SEMA4D: variants seen among roughly 807,000 people sequenced by gnomAD.
The protein encoded by SEMA4D is semaphorin 4D, also known as semaphorin-4D.
Under a neutral mutation model 74.8 loss-of-function variants are expected in SEMA4D, and 22 were observed. The ratio of observed to expected loss-of-function variants is 0.29; its 90% CI spans 0.21 to 0.42. The LOEUF (loss-of-function observed/expected upper bound fraction) is 0.42, where lower values mean the gene tolerates loss of function less well. Ranked by LOEUF, SEMA4D falls within the 10% of genes least tolerant of loss-of-function variation. The probability of loss-of-function intolerance (pLI) is 1.00; values close to 1 mark genes in which losing one functional copy is unlikely to be tolerated. For synonymous variants in SEMA4D, 445 were observed against 463.7 expected (o/e 0.96, Z 0.52); for missense variants, 937 against 1,118.4 (o/e 0.84, Z 2.31).
In SEMA4D at chr9:89,381,538, A is replaced by C. The variant is rs546966840; in HGVS notation, c.1447-192T>G. Reference sequence around the variant, plus strand: ...GACCTTCCTGCAGAATCCACGTGCTATGTCAGGGCTCACTGGGCCTTAGGT... The same window carrying C: ...GACCTTCCTGCAGAATCCACGTGCTCTGTCAGGGCTCACTGGGCCTTAGGT... On this transcript the variant is annotated intron_variant, in intron 13 of 15. Transcript: ENST00000422704. The surrounding 1 kb of genome is among the most constrained non-coding windows in gnomAD (Gnocchi z 4.6). The C allele has an allele frequency of 2.0e-6, 1 of 497,822 alleles. No individual in the cohort carries two copies. The highest frequency in any genetic ancestry group is 5.3e-4 in the Middle Eastern group (1 of 1,892). The allele number at this position is 497,822 out of a possible 1,614,324, so 30.8% of individuals were successfully genotyped here. A position where few individuals can be genotyped will look rare whatever the true frequency, so the allele number is the denominator to read the frequency against.
Position 89,432,877 on chromosome 9 carries a change from C to T in SEMA4D, c.-244+23011G>A, listed in dbSNP as rs746887272. On this transcript the variant is annotated intron_variant, in intron 2 of 15. Coordinates refer to ENST00000422704, the MANE Select transcript of SEMA4D (RefSeq NM_001371194.2). ...CCTGAGATTCCACTCTGGGTATGTA[C>T]ACAAAGAAGTCTCAAAGAGACGTGT... Among the ~76,000 whole-genome samples, 3 of 152,296 alleles carry T rather than the reference C, an allele frequency of 2.0e-5. 1 individual carries two copies. The East Asian group carries it at 5.8e-4, about 29-fold the overall frequency.
intron 18 of SEMA4D, among the ~76,000 whole-genome samples, chr9:89,363,168 T>C (rs1832978748): frequency 2.0e-5 from 3 of 152,224 alleles, no homozygotes. Context: ...CAGCCCCACC[T>C]GTGAGTCCCT....
At chr9:89,423,943 C>T (rs1210398138) in intron 2 of SEMA4D, among the ~76,000 whole-genome samples, 1 of 149,300 alleles carries the variant, frequency 6.7e-6, no homozygotes, top group Non-Finnish European at 1.5e-5. Context: ...CTCAGCTACT[C>T]CCTCAGCACC....
At chr9:89,374,987 A>G (rs1835588805), downstream of SEMA4D, among the ~76,000 whole-genome samples, 1 of 152,260 alleles carries the variant, frequency 6.6e-6, no homozygotes, top group East Asian at 1.9e-4. Context: ...TGGGAGGCGA[A>G]GCTTGCAGTG....
chr9:89,497,702 G>A (rs1208589073), intron 1 of SEMA4D, among the ~76,000 whole-genome samples: 1 of 151,350 alleles, frequency 6.6e-6, no homozygotes, highest in South Asian at 2.1e-4. Flanking sequence ...GGTGTCTCTG[G>A]GAGGCGTCCC....
chr9:89,480,550 C>G (rs1351364603), intron 1 of SEMA4D, among the ~76,000 whole-genome samples: 2 of 152,222 alleles, frequency 1.3e-5, no homozygotes, highest in African/African-American at 4.8e-5. Context: ...CTGCAGGTCC[C>G]GAGCCCTGCC....
chr9:89,434,081 C>T (rs913016070), intron 2 of SEMA4D, among the ~76,000 whole-genome samples: 5 of 152,208 alleles, frequency 3.3e-5, no homozygotes, highest in Non-Finnish European at 5.9e-5. Flanking sequence ...TGCCAAGTGA[C>T]GTGGACCACG....
chr9:89,465,334 G>A (rs1344268068), intron 1 of SEMA4D, among the ~76,000 whole-genome samples: 3 of 152,200 alleles, frequency 2.0e-5, no homozygotes, highest in South Asian at 2.1e-4. Context: ...GGCTGCTAAC[G>A]GGTCACTTAA....
intron 1 of SEMA4D, among the ~76,000 whole-genome samples, chr9:89,461,202 A>C (rs1009162584): frequency 2.6e-5 from 4 of 152,176 alleles, no homozygotes; most frequent in African/African-American, 9.6e-5. Context: ...ACAAGGCTTA[A>C]GGTGGTGTGG....
At chr9:89,468,855 C>A (rs1162994121) in intron 1 of SEMA4D, among the ~76,000 whole-genome samples, 2 of 152,146 alleles carry the variant, frequency 1.3e-5, no homozygotes, top group African/African-American at 2.4e-5. Flanking sequence ...TAACTTACCA[C>A]TCAGGCACCA....
chr9:89,485,614 C>A (rs1164415177), intron 1 of SEMA4D, among the ~76,000 whole-genome samples: 1 of 151,884 alleles, frequency 6.6e-6, no homozygotes, highest in African/African-American at 2.4e-5. Context: ...CATGGAGAAA[C>A]CCCATCTCTA....
At chr9:89,383,428 G>A (rs535752896) in intron 13 of SEMA4D, among the ~76,000 whole-genome samples, 5 of 152,172 alleles carry the variant, frequency 3.3e-5, no homozygotes, top group African/African-American at 1.2e-4. Context: ...CTAAAACCAC[G>A]ACCCCAAGAT....
chr9:89,370,255 GGT>G (rs1235199423), intron 16 of SEMA4D, among the ~76,000 whole-genome samples: 5 of 151,500 alleles, frequency 3.3e-5, no homozygotes, highest in South Asian at 2.1e-4. Flanking sequence ...GCATGCACAT[GGT>G]GTGTGTGTTG....
chr9:89,362,558 T>C (rs1832860083), intron 18 of SEMA4D: 1 of 1,515,226 alleles, frequency 6.6e-7, no homozygotes. Flanking sequence ...GTGGTTCCCC[T>C]CCTTGGAGTC....
At chr9:89,429,001 G>C (rs528470554) in intron 2 of SEMA4D, among the ~76,000 whole-genome samples, 10 of 147,304 alleles carry the variant, frequency 6.8e-5, no homozygotes, top group South Asian at 4.2e-4. Flanking sequence ...AGGTCCCTGT[G>C]GGGGGGGTCT....
chr9:89,422,312 G>T (rs1847130548), intron 2 of SEMA4D, among the ~76,000 whole-genome samples: 1 of 152,222 alleles, frequency 6.6e-6, no homozygotes, highest in South Asian at 2.1e-4. Flanking sequence ...AGGGTGTGGG[G>T]TGAAGGTGAG....
intron 16 of SEMA4D, among the ~76,000 whole-genome samples, chr9:89,371,003 G>A (rs1483974832): frequency 1.5e-5 from 2 of 132,578 alleles, no homozygotes; most frequent in African/African-American, 5.8e-5. Flanking sequence ...GGGGTATGTC[G>A]GGGTGTGGGG....
downstream of SEMA4D, chr9:89,376,963 C>T (rs759167498): frequency 1.5e-5 from 24 of 1,550,590 alleles, no homozygotes; most frequent in South Asian, 2.4e-4. Flanking sequence ...GCCAGGGGGT[C>T]CAGGGAGAGG....
At chr9:89,392,361 C>A in intron 8 of SEMA4D, 62 bp downstream of exon 8, 1 of 1,266,892 alleles carries the variant, frequency 7.9e-7, no homozygotes, top group South Asian at 1.2e-5. Flanking sequence ...AAGGAGAGAT[C>A]AACAGGTGTG....
Sources: allele counts gnomAD v4.1 joint callset (sites outside exome capture counted in the v4.1 genomes callset), GRCh38; gene constraint gnomAD v4.1.1; non-coding constraint Gnocchi (gnomAD v3.1); transcripts MANE v1.5; gene names NCBI Gene and HGNC (gene_info 2026-07-23, HGNC 2026-07-21).